Variants in SEMA3C observed in about 807,000 individuals in gnomAD.
The protein encoded by SEMA3C is semaphorin 3C, also known as semaphorin-3C.
Under a neutral mutation model 89.4 loss-of-function variants are expected in SEMA3C, and 47 were observed. The ratio of observed to expected loss-of-function variants is 0.53; its 90% CI spans 0.42 to 0.67. The LOEUF (loss-of-function observed/expected upper bound fraction) is 0.67. SEMA3C is among the 30% of genes least tolerant of loss of function. The probability of loss-of-function intolerance (pLI) is 0.00; values close to 1 mark genes in which losing one functional copy is unlikely to be tolerated. For synonymous variants in SEMA3C, 310 were observed against 320.2 expected (o/e 0.97, Z 0.34); for missense variants, 839 against 929.1 (o/e 0.90, Z 1.26).
intron 2 of SEMA3C, among the ~76,000 whole-genome samples, chr7:80,890,407 G>A (rs1471874510): frequency 6.6e-6 from 1 of 151,944 alleles, no homozygotes; most frequent in Non-Finnish European, 1.5e-5. Context: ...AGTGTATAAA[G>A]AAAAATAAAA....
chr7:80,811,063 T>C (rs1261993191), intron 5 of SEMA3C, among the ~76,000 whole-genome samples: 2 of 152,184 alleles, frequency 1.3e-5, no homozygotes, highest in Non-Finnish European at 2.9e-5. Flanking sequence ...AGGAACAATC[T>C]ATGTAAGGAC....
At position 80,877,603 on chromosome 7, in the gene SEMA3C, T is replaced by C. The variant is rs576398347; in HGVS notation, c.103+39076A>G. Among the ~76,000 whole-genome samples the C allele has an allele frequency of 1.6e-4, 24 of 152,316 alleles. No homozygotes were observed. The East Asian group carries it at 4.4e-3, about 28-fold the overall frequency. On this transcript the variant is annotated intron_variant, in intron 2 of 17. Transcript: ENST00000265361. ...TACTTCAAACAGTATTTTATCTACA[T>C]TTCTTTAAAATATACTTATCAGTTG...
chr7:80,799,018 A>G (rs1028290354), intron 10 of SEMA3C, among the ~76,000 whole-genome samples: 2 of 152,182 alleles, frequency 1.3e-5, no homozygotes, highest in African/African-American at 2.4e-5. Context: ...GAATTTTTTG[A>G]TATTAAAGTT....
chr7:80,770,037 A>C (rs997201310), intron 12 of SEMA3C, among the ~76,000 whole-genome samples: 5 of 152,108 alleles, frequency 3.3e-5, no homozygotes, highest in African/African-American at 7.2e-5. Flanking sequence ...GCGCTGTATC[A>C]TTTACTAATA....
At chr7:80,882,412 CTTTTTTTTTTTTTTTT>C (rs763742493) in intron 2 of SEMA3C, among the ~76,000 whole-genome samples, 1 of 46,652 alleles carries the variant, frequency 2.1e-5, no homozygotes, top group African/African-American at 9.3e-5. Flanking sequence ...GTAAGGGATG[CTTTTTTTTTTTTTTTT>C]TTTTTTTTTT....
intron 10 of SEMA3C, among the ~76,000 whole-genome samples, chr7:80,799,022 T>A (rs1251580046): frequency 6.6e-6 from 1 of 152,186 alleles, no homozygotes; most frequent in African/African-American, 2.4e-5. Flanking sequence ...TTTTTGATAT[T>A]AAAGTTACAG....
chr7:80,832,521 T>C (rs1790030936), intron 2 of SEMA3C, among the ~76,000 whole-genome samples: 1 of 152,302 alleles, frequency 6.6e-6, no homozygotes, highest in South Asian at 2.1e-4. Flanking sequence ...GTGTTTTAAA[T>C]ACGGCCATAT....
chr7:80,886,239 T>A (rs1030346443), intron 2 of SEMA3C, among the ~76,000 whole-genome samples: 1 of 152,112 alleles, frequency 6.6e-6, no homozygotes, highest in African/African-American at 2.4e-5. Context: ...GATCTGCTAA[T>A]GTGGTTATGA....
At chr7:80,843,670 T>C (rs774890332) in intron 2 of SEMA3C, among the ~76,000 whole-genome samples, 2 of 152,190 alleles carry the variant, frequency 1.3e-5, no homozygotes, top group African/African-American at 2.4e-5. Context: ...AACAGGATAA[T>C]TGTACACTAG....
At chr7:80,863,936 ATATATAATATG>A (rs1790859796) in intron 2 of SEMA3C, among the ~76,000 whole-genome samples, 1 of 128,646 alleles carries the variant, frequency 7.8e-6, no homozygotes, top group Admixed American at 7.6e-5. Context: ...TATATATCAC[ATATATAATATG>A]TATATCACAT....
chr7:80,759,865 T>C (rs1025148604), intron 14 of SEMA3C, among the ~76,000 whole-genome samples: 6 of 152,192 alleles, frequency 3.9e-5, no homozygotes, highest in African/African-American at 1.2e-4. Context: ...AAATAAATGT[T>C]TATCGAGTAA....
chr7:80,817,282 C>T (rs1024660115), intron 5 of SEMA3C, among the ~76,000 whole-genome samples: 2 of 151,942 alleles, frequency 1.3e-5, no homozygotes, highest in Non-Finnish European at 2.9e-5. Flanking sequence ...ATTGTTCAGT[C>T]ATATTAGAAC....
intron 3 of SEMA3C, 62 bp downstream of exon 3, chr7:80,828,523 T>C: frequency 7.6e-7 from 1 of 1,322,178 alleles, no homozygotes; most frequent in Non-Finnish European, 1.0e-6. Flanking sequence ...TACTTATTTA[T>C]TTTTTTTAAA....
intron 2 of SEMA3C, among the ~76,000 whole-genome samples, chr7:80,896,536 A>T: frequency 6.6e-6 from 1 of 152,248 alleles, no homozygotes; most frequent in Non-Finnish European, 1.5e-5. Context: ...ATAATTAAAT[A>T]TATGAGATAA....
intron 2 of SEMA3C, among the ~76,000 whole-genome samples, chr7:80,886,303 C>A (rs1222908076): frequency 6.6e-6 from 1 of 150,768 alleles, no homozygotes; most frequent in Non-Finnish European, 1.5e-5. Flanking sequence ...ATTCATATAT[C>A]TGTGCATTTA....
chr7:80,808,508 G>T (rs1475429169), intron 6 of SEMA3C, among the ~76,000 whole-genome samples: 1 of 152,114 alleles, frequency 6.6e-6, no homozygotes, highest in Non-Finnish European at 1.5e-5. Context: ...GCTCCTCCCT[G>T]TCCGACTTGA....
intron 4 of SEMA3C, among the ~76,000 whole-genome samples, chr7:80,820,981 G>A (rs1789733134): frequency 6.6e-6 from 1 of 151,980 alleles, no homozygotes; most frequent in African/African-American, 2.4e-5. Context: ...ATGAATTACT[G>A]GTATTGGTAA....
At chr7:80,880,453 A>T (rs1426071051) in intron 2 of SEMA3C, among the ~76,000 whole-genome samples, 1 of 152,242 alleles carries the variant, frequency 6.6e-6, no homozygotes. Context: ...AAATGAATGA[A>T]TGAATTTGAT....
intron 5 of SEMA3C, among the ~76,000 whole-genome samples, chr7:80,814,356 G>T (rs139847734): frequency 0.014 from 2,120 of 152,170 alleles, 64 homozygotes; most frequent in Admixed American, 0.068. Context: ...CCTAAGTGCT[G>T]TGATTACAGG....
Sources: gnomAD v4.1 joint callset for allele counts (sites outside exome capture counted in the v4.1 genomes callset) on GRCh38, gnomAD v4.1.1 for gene constraint, MANE v1.5 for transcripts, NCBI Gene and HGNC (gene_info 2026-07-23, HGNC 2026-07-21) for gene names.